TBC1D5: variants seen among roughly 807,000 people sequenced by gnomAD.
TBC1D5 encodes the protein TBC1 domain family, member 5.
In TBC1D5, 75 loss-of-function variants were observed where a neutral mutation model predicts 100.3. The ratio of observed to expected loss-of-function variants is 0.75; its 90% CI spans 0.62 to 0.91. TBC1D5 has a LOEUF of 0.91. Ranked by LOEUF, TBC1D5 falls within the 40% of genes least tolerant of loss-of-function variation. TBC1D5 has a pLI of 0.00. For synonymous variants in TBC1D5, 323 were observed against 325.6 expected (o/e 0.99, Z 0.09); for missense variants, 910 against 942.4 (o/e 0.97, Z 0.45).
At chr3:17,737,015 T>C (rs1053522090) in intron 1 of TBC1D5, among the ~76,000 whole-genome samples, 1 of 151,772 alleles carries the variant, frequency 6.6e-6, no homozygotes, top group Non-Finnish European at 1.5e-5. Flanking sequence ...TCTGTCTCAA[T>C]TTAAAAAAAA....
chr3:17,679,687 A>T (rs1322930977), intron 1 of TBC1D5, among the ~76,000 whole-genome samples: 1 of 151,560 alleles, frequency 6.6e-6, no homozygotes, highest in Non-Finnish European at 1.5e-5. Context: ...ATATTGAGAC[A>T]ATTTATTTTA....
chr3:17,564,908 A>G (rs1237165782), intron 2 of TBC1D5, among the ~76,000 whole-genome samples: 2 of 152,176 alleles, frequency 1.3e-5, no homozygotes, highest in African/African-American at 4.8e-5. Context: ...GAGCCCAAAA[A>G]TCAACATCAT....
At chr3:17,257,083 G>A (rs1381214201) in intron 16 of TBC1D5, among the ~76,000 whole-genome samples, 1 of 151,922 alleles carries the variant, frequency 6.6e-6, no homozygotes, top group Non-Finnish European at 1.5e-5. Flanking sequence ...ATAGCCAGTG[G>A]CAATAGGAAG....
intron 2 of TBC1D5, among the ~76,000 whole-genome samples, chr3:17,516,164 A>T (rs1198087432): frequency 6.6e-6 from 1 of 152,190 alleles, no homozygotes; most frequent in Non-Finnish European, 1.5e-5. Flanking sequence ...ACATAATTCC[A>T]ACATTCAACT....
chr3:17,630,244 TTTA>T (rs1473397028), intron 1 of TBC1D5, among the ~76,000 whole-genome samples: 1 of 152,216 alleles, frequency 6.6e-6, no homozygotes, highest in Non-Finnish European at 1.5e-5. Flanking sequence ...TGAGCTTTGT[TTTA>T]TTGTGCTTTG....
At chr3:17,489,879 G>A (rs537018417) in intron 3 of TBC1D5, among the ~76,000 whole-genome samples, 10 of 152,288 alleles carry the variant, frequency 6.6e-5, no homozygotes, top group East Asian at 3.9e-4. Flanking sequence ...ATACAGTAAC[G>A]GGATAGCTGA....
chr3:17,735,452 T>G (rs1560586179), intron 1 of TBC1D5, among the ~76,000 whole-genome samples: 1 of 152,236 alleles, frequency 6.6e-6, no homozygotes, highest in African/African-American at 2.4e-5. Context: ...ATAATTGTTA[T>G]GAGTGGGTCT....
intron 13 of TBC1D5, among the ~76,000 whole-genome samples, chr3:17,349,822 T>C (rs1318742766): frequency 6.6e-6 from 1 of 152,168 alleles, no homozygotes; most frequent in African/African-American, 2.4e-5. Context: ...TTAGGAGTAA[T>C]GATACATTTA....
chr3:17,259,532 T>C (rs566012378), intron 15 of TBC1D5, among the ~76,000 whole-genome samples: 34 of 152,336 alleles, frequency 2.2e-4, no homozygotes, highest in African/African-American at 7.9e-4. Context: ...TTCTAATGTT[T>C]ACCTGGGCAG....
intron 9 of TBC1D5, among the ~76,000 whole-genome samples, chr3:17,380,925 G>A (rs1277040860): frequency 1.3e-5 from 2 of 151,952 alleles, no homozygotes; most frequent in Non-Finnish European, 2.9e-5. Context: ...GTTTAACAGG[G>A]TGTCACCTAG....
At chr3:17,628,627 A>G (rs1293957679) in intron 1 of TBC1D5, among the ~76,000 whole-genome samples, 1 of 152,214 alleles carries the variant, frequency 6.6e-6, no homozygotes, top group African/African-American at 2.4e-5. Flanking sequence ...AATTGTATCA[A>G]GATTTAGAAT....
At chr3:17,248,851 T>C (rs1559485960) in intron 16 of TBC1D5, among the ~76,000 whole-genome samples, 1 of 152,206 alleles carries the variant, frequency 6.6e-6, no homozygotes, top group African/African-American at 2.4e-5. Flanking sequence ...AAATCTGTTG[T>C]TCAGTGTAGC....
At chr3:17,474,963 C>T (rs908697817) in intron 3 of TBC1D5, among the ~76,000 whole-genome samples, 1 of 152,090 alleles carries the variant, frequency 6.6e-6, no homozygotes, top group African/African-American at 2.4e-5. Context: ...AACAAACTTG[C>T]TTTAATGTCA....
At position 17,322,688 on chromosome 3, in the gene TBC1D5, TC is replaced by T. The variant is rs138135521; in HGVS notation, c.996-14555del. On this transcript the variant is annotated intron_variant, in intron 13 of 21. Transcript: ENST00000253692. ...GGAGGAAGCTATGCAGAGAATAATCTCCAGAAATCTGCACAAGGGGTGTCCT... is the reference window on the plus strand; with the variant it reads ...GGAGGAAGCTATGCAGAGAATAATCTCAGAAATCTGCACAAGGGGTGTCCT... 2.0e-4 allele frequency among the ~76,000 whole-genome samples: 30 copies of T among 152,286 alleles called. 1 individual carries two copies. The East Asian group carries it at 5.8e-3, about 29-fold the overall frequency.
At chr3:17,165,458 A>C (rs2125094351) in intron 21 of TBC1D5, among the ~76,000 whole-genome samples, 1 of 152,344 alleles carries the variant, frequency 6.6e-6, no homozygotes, top group East Asian at 1.9e-4. Context: ...AGGAAGGAGA[A>C]TTTGTGAAGA....
At chr3:17,342,736 T>G (rs2089201779) in intron 13 of TBC1D5, among the ~76,000 whole-genome samples, 1 of 152,180 alleles carries the variant, frequency 6.6e-6, no homozygotes, top group Non-Finnish European at 1.5e-5. Flanking sequence ...TCCAATTTTA[T>G]TTTTATGCAC....
At chr3:17,492,523 G>C (rs1171025300) in intron 3 of TBC1D5, among the ~76,000 whole-genome samples, 1 of 151,810 alleles carries the variant, frequency 6.6e-6, no homozygotes, top group African/African-American at 2.4e-5. Flanking sequence ...CAACCTCCAT[G>C]TCCGGGATTC....
At chr3:17,191,321 C>T (rs2069862626) in intron 18 of TBC1D5, among the ~76,000 whole-genome samples, 1 of 152,132 alleles carries the variant, frequency 6.6e-6, no homozygotes, top group Non-Finnish European at 1.5e-5. Flanking sequence ...TGTTGGAGGA[C>T]TGGATTTGAA....
Position 17,258,602 on chromosome 3 carries a change from A to G in TBC1D5, c.1246-11T>C. On this transcript the variant is annotated splice_polypyrimidine_tract_variant and intron_variant, in intron 15 of 21. Coordinates refer to ENST00000253692, the Ensembl canonical transcript of TBC1D5. ...TGGTCTTGGATTTCTCTAAAAAAAA[A>G]TACATTTTTAAAAAGCTAGTTAAAT... The G allele has an allele frequency of 6.2e-7, 1 of 1,603,018 alleles. No individual in the cohort carries two copies. Among genetic ancestry groups the G allele is most frequent in the Non-Finnish European group, 8.5e-7 (1 of 1,171,914 alleles).
Sources: gnomAD v4.1 joint callset for allele counts (sites outside exome capture counted in the v4.1 genomes callset) on GRCh38, gnomAD v4.1.1 for gene constraint, MANE v1.5 for transcripts, NCBI Gene and HGNC (gene_info 2026-07-23, HGNC 2026-07-21) for gene names.